Variants in IL1RAPL1 observed in about 807,000 individuals in gnomAD.
The protein encoded by IL1RAPL1 is interleukin 1 receptor accessory protein like 1.
A neutral mutation model predicts 48.4 loss-of-function variants in IL1RAPL1; 3 were observed. The ratio of observed to expected loss-of-function variants is 0.06; its 90% CI spans 0.03 to 0.16. IL1RAPL1 has a LOEUF of 0.16. Ranked by LOEUF, IL1RAPL1 falls within the 10% of genes least tolerant of loss-of-function variation. IL1RAPL1 has a pLI of 1.00. For synonymous variants in IL1RAPL1, 185 were observed against 187.7 expected, an observed-to-expected ratio of 0.99 and a Z score of 0.12; for missense variants, 349 against 530.6, an observed-to-expected ratio of 0.66 and a Z score of 3.36.
chrX:28,740,242 A>G (rs1052513547), intron 1 of IL1RAPL1, among the ~76,000 whole-genome samples: 1 of 112,031 alleles, frequency 8.9e-6, no homozygotes, highest in African/African-American at 3.2e-5. Context: ...AGAGAAGAAT[A>G]AGAAAGCTGC....
At chrX:28,915,304 T>C (rs965375051) in intron 2 of IL1RAPL1, among the ~76,000 whole-genome samples, 2 of 111,337 alleles carry the variant, frequency 1.8e-5, no homozygotes, top group Non-Finnish European at 3.8e-5. Flanking sequence ...CGGGGAACCC[T>C]GCTCTGGATT....
Position 29,413,566 on chromosome X carries a change from CGTT to C in IL1RAPL1, c.703+14262_703+14264del, listed in dbSNP as rs1934175453. On this transcript the variant is annotated intron_variant, in intron 5 of 10. Coordinates refer to ENST00000378993, the MANE Select transcript of IL1RAPL1 (RefSeq NM_014271.4). ...TCCCCTTCCTGTGTCCATGTGTTCT[CGTT>C]GTTCAGTTCCCACCTATGAGTGAGA... Among the ~76,000 whole-genome samples the C allele has an allele frequency of 6.1e-5, 6 of 98,723 alleles. No homozygotes were observed. The South Asian group carries it at 3.0e-3, about 50-fold the overall frequency. 85.7% of individuals were successfully genotyped at this position (98,723 alleles called of 115,157 possible).
intron 6 of IL1RAPL1, among the ~76,000 whole-genome samples, chrX:29,685,509 T>C (rs1455643248): frequency 1.8e-5 from 2 of 110,349 alleles, no homozygotes; most frequent in African/African-American, 6.6e-5. Flanking sequence ...TATCAAAAAA[T>C]AAATAAATCA....
chrX:29,944,022 C>T (rs768097499), intron 9 of IL1RAPL1, among the ~76,000 whole-genome samples: 2 of 111,918 alleles, frequency 1.8e-5, no homozygotes, highest in South Asian at 7.5e-4. Flanking sequence ...GTTAATAAAT[C>T]CTTTAGCGAT....
chrX:29,389,032 A>G (rs1365015598), intron 3 of IL1RAPL1, among the ~76,000 whole-genome samples: 4 of 111,748 alleles, frequency 3.6e-5, no homozygotes, highest in Non-Finnish European at 7.5e-5. Context: ...TAGTGGATGT[A>G]GCAAAATGAG....
At chrX:29,371,329 A>G (rs1331997041) in intron 3 of IL1RAPL1, among the ~76,000 whole-genome samples, 1 of 110,053 alleles carries the variant, frequency 9.1e-6, no homozygotes, top group African/African-American at 3.3e-5. Context: ...ACGGGATTTC[A>G]CAATGATGGC....
chrX:29,456,452 C>T lies in IL1RAPL1; in HGVS notation c.703+57144C>T, dbSNP rs1047401034. Among the ~76,000 whole-genome samples the T allele has an allele frequency of 2.7e-5, 3 of 111,533 alleles. No individual in the cohort carries two copies. In the East Asian group the frequency reaches 8.5e-4, roughly 31 times the overall value. On this transcript the variant is annotated intron_variant, in intron 5 of 10. Coordinates refer to ENST00000378993, the MANE Select transcript of IL1RAPL1 (RefSeq NM_014271.4). ...GGGCTAAGACTTTTGTTGAAAGGAA[C>T]GTTGTTTACTTGGAAGTGTTCCAGT...
At chrX:28,622,006 T>C (rs1479098479) in intron 1 of IL1RAPL1, among the ~76,000 whole-genome samples, 1 of 111,446 alleles carries the variant, frequency 9.0e-6, no homozygotes, top group Non-Finnish European at 1.9e-5. Context: ...CCTTCTTGCT[T>C]TAATGTGCTT....
intron 6 of IL1RAPL1, among the ~76,000 whole-genome samples, chrX:29,766,346 T>A (rs866772189): frequency 0.044 from 3,348 of 76,769 alleles, 340 homozygotes; most frequent in East Asian, 0.18. Flanking sequence ...AAAAAAAATA[T>A]ATATATATAT....
chrX:28,744,351 G>A (rs1006062292), intron 1 of IL1RAPL1, among the ~76,000 whole-genome samples: 1 of 111,495 alleles, frequency 9.0e-6, no homozygotes, highest in Non-Finnish European at 1.9e-5. Context: ...ATTAATGCAT[G>A]TAATCTGCCT....
intron 6 of IL1RAPL1, among the ~76,000 whole-genome samples, chrX:29,859,791 TAAA>T (rs1931541995): frequency 8.9e-6 from 1 of 112,019 alleles, no homozygotes; most frequent in South Asian, 3.7e-4. Flanking sequence ...TGGAATCTAA[TAAA>T]TACTTACACA....
At chrX:29,381,813 CCAAAAA>C (rs1392025983) in intron 3 of IL1RAPL1, among the ~76,000 whole-genome samples, 1 of 13,843 alleles carries the variant, frequency 7.2e-5, no homozygotes, top group African/African-American at 3.0e-4. Context: ...AAGACTGTTG[CCAAAAA>C]AAAAAAAAAA....
intron 9 of IL1RAPL1, among the ~76,000 whole-genome samples, chrX:29,950,930 G>A (rs889503445): frequency 9.9e-5 from 11 of 110,822 alleles, no homozygotes; most frequent in South Asian, 3.8e-4. Flanking sequence ...TGCCTGCCTC[G>A]GCCTCCCAAA....
At chrX:28,737,833 A>G (rs1308695574) in intron 1 of IL1RAPL1, among the ~76,000 whole-genome samples, 1 of 112,078 alleles carries the variant, frequency 8.9e-6, no homozygotes, top group Non-Finnish European at 1.9e-5. Flanking sequence ...ACTGTATCAA[A>G]TGCCTCCTCA....
At chrX:29,933,657 C>CA (rs1217616087) in intron 8 of IL1RAPL1, among the ~76,000 whole-genome samples, 2,371 of 34,056 alleles carry the variant, frequency 0.07, 45 homozygotes, top group African/African-American at 0.11. Context: ...ACAAAATAGA[C>CA]AAAAAAAAAA....
intron 5 of IL1RAPL1, among the ~76,000 whole-genome samples, chrX:29,456,032 A>G (rs1244285661): frequency 9.2e-6 from 1 of 108,919 alleles, no homozygotes. Context: ...GAAAACAAAC[A>G]GCTGAAATAT....
At chrX:29,014,480 G>A (rs1926196034) in intron 2 of IL1RAPL1, among the ~76,000 whole-genome samples, 1 of 111,114 alleles carries the variant, frequency 9.0e-6, no homozygotes, top group Admixed American at 9.6e-5. Context: ...ATCCTATTGG[G>A]GGAGGCAGTT....
intron 6 of IL1RAPL1, among the ~76,000 whole-genome samples, chrX:29,798,195 TAGTC>T (rs1296456715): frequency 8.9e-6 from 1 of 112,148 alleles, no homozygotes; most frequent in Non-Finnish European, 1.9e-5. Flanking sequence ...TACAAGTTCT[TAGTC>T]GGTCTGCCGT....
At chrX:29,461,949 G>C (rs1353120540) in intron 5 of IL1RAPL1, among the ~76,000 whole-genome samples, 1 of 111,683 alleles carries the variant, frequency 9.0e-6, no homozygotes, top group Non-Finnish European at 1.9e-5. Context: ...AGTTGCACAA[G>C]TATATAAGTT....
Sources: allele counts gnomAD v4.1 joint callset (sites outside exome capture counted in the v4.1 genomes callset), GRCh38; gene constraint gnomAD v4.1.1; transcripts MANE v1.5; gene names NCBI Gene and HGNC (gene_info 2026-07-23, HGNC 2026-07-21).